TBC1D19: variants seen among roughly 807,000 people sequenced by gnomAD.
TBC1D19 encodes the protein TBC1 domain family, member 19.
Under a neutral mutation model 89.0 loss-of-function variants are expected in TBC1D19, and 60 were observed. That is an observed-to-expected ratio of 0.67 (90% CI 0.55 to 0.84). The LOEUF is 0.84. TBC1D19 is among the 40% of genes least tolerant of loss of function. The pLI, the probability that TBC1D19 is intolerant of heterozygous loss-of-function variation, is 0.00. For missense variants in TBC1D19, 500 were observed against 610.8 expected (o/e 0.82, Z 1.91); for synonymous variants, 189 against 199.7 (o/e 0.95, Z 0.45).
At chr4:26,796,777 A>G in the TBC1D19 span, among the ~76,000 whole-genome samples, 1 of 152,204 alleles carries the variant, frequency 6.6e-6, no homozygotes, top group African/African-American at 2.4e-5. Context: ...TTATGTTTCA[A>G]ATAGGATGAA....
At chr4:26,856,635 C>T in the TBC1D19 span, among the ~76,000 whole-genome samples, 2 of 152,202 alleles carry the variant, frequency 1.3e-5, no homozygotes, top group African/African-American at 4.8e-5. Context: ...CTCATCAACA[C>T]TTATTTGTCT....
At chr4:26,618,212 A>G (rs1741819110) in intron 3 of TBC1D19, among the ~76,000 whole-genome samples, 1 of 152,216 alleles carries the variant, frequency 6.6e-6, no homozygotes, top group Non-Finnish European at 1.5e-5. Flanking sequence ...TACAGACTTT[A>G]AAGAGGCAAT....
At chr4:26,805,188 C>A in the TBC1D19 span, among the ~76,000 whole-genome samples, 1 of 152,148 alleles carries the variant, frequency 6.6e-6, no homozygotes, top group Non-Finnish European at 1.5e-5. Flanking sequence ...TTAAAAAAGT[C>A]CATAAAGGAA....
At chr4:26,691,109 G>C (rs905004068) in intron 13 of TBC1D19, among the ~76,000 whole-genome samples, 5 of 152,136 alleles carry the variant, frequency 3.3e-5, no homozygotes, top group African/African-American at 1.2e-4. Context: ...AGGAAGTAAC[G>C]GTCACTGTGG....
At chr4:26,691,629 T>A (rs1714302251) in intron 13 of TBC1D19, among the ~76,000 whole-genome samples, 1 of 152,160 alleles carries the variant, frequency 6.6e-6, no homozygotes, top group South Asian at 2.1e-4. Context: ...ATGGCATGTA[T>A]ATTTTTGGGC....
the TBC1D19 span, among the ~76,000 whole-genome samples, chr4:26,821,612 A>AAT: frequency 6.6e-6 from 1 of 152,246 alleles, no homozygotes; most frequent in Non-Finnish European, 1.5e-5. Flanking sequence ...AGGCAGATAA[A>AAT]ATAGTCCTGC....
chr4:26,646,902 A>G (rs1266202298), intron 7 of TBC1D19, among the ~76,000 whole-genome samples: 3 of 152,222 alleles, frequency 2.0e-5, no homozygotes, highest in Admixed American at 2.0e-4. Flanking sequence ...AAACCTGCAC[A>G]TGTACCCTAG....
intron 13 of TBC1D19, among the ~76,000 whole-genome samples, chr4:26,701,023 G>A (rs1345503765): frequency 6.6e-6 from 1 of 152,082 alleles, no homozygotes; most frequent in African/African-American, 2.4e-5. Context: ...TTCTCTCCCT[G>A]ACACTCTGGC....
At chr4:26,657,044 CT>C (rs1577888770) in intron 7 of TBC1D19, among the ~76,000 whole-genome samples, 27 of 46,168 alleles carry the variant, frequency 5.8e-4, no homozygotes, top group East Asian at 2.9e-3. Flanking sequence ...TCTCTTTCTT[CT>C]TCCTCTTCTT....
intron 15 of TBC1D19, among the ~76,000 whole-genome samples, chr4:26,735,196 A>G (rs956807974): frequency 6.6e-6 from 1 of 151,076 alleles, no homozygotes; most frequent in Admixed American, 6.6e-5. Context: ...ATATATACAC[A>G]TATATATATT....
At chr4:26,599,950 C>CAAA (rs36092049) in intron 1 of TBC1D19, among the ~76,000 whole-genome samples, 28 of 72,768 alleles carry the variant, frequency 3.8e-4, no homozygotes, top group Admixed American at 8.7e-4. Flanking sequence ...TCTGTCTCTC[C>CAAA]AAAAAAAAAA....
At chr4:26,620,389 A>G (rs535599759) in intron 3 of TBC1D19, among the ~76,000 whole-genome samples, 1 of 152,346 alleles carries the variant, frequency 6.6e-6, no homozygotes, top group East Asian at 1.9e-4. Flanking sequence ...TGTTACGTCC[A>G]TGAGAACAGA....
At chr4:26,761,023 G>T (rs115427014), downstream of TBC1D19, among the ~76,000 whole-genome samples, 1 of 152,054 alleles carries the variant, frequency 6.6e-6, no homozygotes, top group Non-Finnish European at 1.5e-5. Context: ...CTGATTATGT[G>T]TATGGGCTGG....
At chr4:26,820,585 T>C in the TBC1D19 span, among the ~76,000 whole-genome samples, 5 of 152,244 alleles carry the variant, frequency 3.3e-5, no homozygotes, top group Admixed American at 1.3e-4. Context: ...TTTAAAAATC[T>C]ATTTATCCAT....
intron 13 of TBC1D19, among the ~76,000 whole-genome samples, chr4:26,702,545 A>G (rs1357341723): frequency 6.6e-6 from 1 of 152,232 alleles, no homozygotes; most frequent in African/African-American, 2.4e-5. Context: ...AACAGTAAGT[A>G]CTATAGGAGT....
At chr4:26,611,957 T>G (rs1054809013) in intron 1 of TBC1D19, among the ~76,000 whole-genome samples, 3 of 152,022 alleles carry the variant, frequency 2.0e-5, no homozygotes, top group African/African-American at 7.2e-5. Flanking sequence ...ATATTTGAAT[T>G]AGGCAAAACC....
At chr4:26,732,780 G>C (rs527563477) in intron 15 of TBC1D19, among the ~76,000 whole-genome samples, 1 of 152,186 alleles carries the variant, frequency 6.6e-6, no homozygotes, top group Non-Finnish European at 1.5e-5. Context: ...CACTCTGAAA[G>C]TCAAGGAAAC....
chr4:26,680,424 A>G (rs1713233275), intron 11 of TBC1D19, among the ~76,000 whole-genome samples: 1 of 152,090 alleles, frequency 6.6e-6, no homozygotes, highest in Non-Finnish European at 1.5e-5. Context: ...AGCACTGTAC[A>G]TTCTCAAGTC....
At chr4:26,688,448 G>T (rs369409106) in intron 13 of TBC1D19, 41 bp downstream of exon 13, 1 of 1,484,122 alleles carries the variant, frequency 6.7e-7, no homozygotes, top group Non-Finnish European at 9.0e-7. Flanking sequence ...CTTGTTTTAG[G>T]TTCTCTATAT....
Sources: allele counts gnomAD v4.1 joint callset (sites outside exome capture counted in the v4.1 genomes callset), GRCh38; gene constraint gnomAD v4.1.1; transcripts MANE v1.5; gene names NCBI Gene and HGNC (gene_info 2026-07-23, HGNC 2026-07-21).